Variants in DGKB observed in about 807,000 individuals in gnomAD.
DGKB encodes diacylglycerol kinase beta.
A neutral mutation model predicts 114.3 loss-of-function variants in DGKB; 67 were observed. That is an observed-to-expected ratio of 0.59 (90% confidence interval 0.48 to 0.72). DGKB has a LOEUF of 0.72. DGKB is among the 30% of genes least tolerant of loss of function. The pLI, the probability that DGKB is intolerant of heterozygous loss-of-function variation, is 0.00. For synonymous variants in DGKB, 398 were observed against 323.1 expected (o/e 1.23, Z -2.49); for missense variants, 907 against 975.2 (o/e 0.93, Z 0.93).
At chr7:14,388,203 A>G (rs1259262954) in intron 21 of DGKB, among the ~76,000 whole-genome samples, 1 of 150,578 alleles carries the variant, frequency 6.6e-6, no homozygotes, top group Non-Finnish European at 1.5e-5. Context: ...GTGGTGCCAT[A>G]ATTTGGAAAA....
At chr7:14,295,631 G>T (rs1382380522) in intron 23 of DGKB, among the ~76,000 whole-genome samples, 1 of 151,376 alleles carries the variant, frequency 6.6e-6, no homozygotes, top group South Asian at 2.1e-4. Context: ...TCAAAATTTT[G>T]AGCATACTCT....
At chr7:14,695,499 T>A (rs1268444078) in intron 8 of DGKB, among the ~76,000 whole-genome samples, 3 of 117,358 alleles carry the variant, frequency 2.6e-5, no homozygotes, top group African/African-American at 1.1e-4. Flanking sequence ...TCTCTCTTTT[T>A]TTTTTTTTTT....
intron 8 of DGKB, 30 bp downstream of exon 8, chr7:14,698,065 A>T: frequency 7.9e-7 from 1 of 1,271,964 alleles, no homozygotes; most frequent in Non-Finnish European, 1.1e-6. Flanking sequence ...TCCAGAATTT[A>T]GCCAATAGTG....
chr7:14,871,820 T>C (rs1243116114), intron 1 of DGKB, among the ~76,000 whole-genome samples: 1 of 152,216 alleles, frequency 6.6e-6, no homozygotes, highest in Non-Finnish European at 1.5e-5. Context: ...TGGTGATGGA[T>C]GGCATCATGC....
chr7:14,228,984 A>G (rs1791283602), intron 23 of DGKB, among the ~76,000 whole-genome samples: 1 of 151,920 alleles, frequency 6.6e-6, no homozygotes, highest in African/African-American at 2.4e-5. Context: ...ATTTGAACAT[A>G]TAAATTTCAT....
intron 15 of DGKB, among the ~76,000 whole-genome samples, chr7:14,619,445 A>G (rs117885146): frequency 1.0e-3 from 154 of 151,780 alleles, no homozygotes; most frequent in Admixed American, 2.0e-3. Flanking sequence ...AAAACACTGC[A>G]TGTACTATTT....
Position 14,319,869 on chromosome 7 carries a change from C to T in DGKB, c.2122+18646G>A, listed in dbSNP as rs186288329. Reference sequence around the variant, plus strand: ...CAATGTTGGTACCTTGTCCCCATTCCTATAAGTTCATCCACAAGCATCTTC... The same window carrying T: ...CAATGTTGGTACCTTGTCCCCATTCTTATAAGTTCATCCACAAGCATCTTC... On this transcript the variant is annotated intron_variant, in intron 23 of 25. Coordinates refer to ENST00000402815, the MANE Select transcript of DGKB (RefSeq NM_001350709.2). 2.3e-3 allele frequency among the ~76,000 whole-genome samples: 348 copies of T among 152,302 alleles called. 2 individuals carry two copies. The Middle Eastern group carries it at 0.024, about 10-fold the overall frequency.
intron 4 of DGKB, among the ~76,000 whole-genome samples, chr7:14,749,716 G>A (rs185817107): frequency 2.6e-5 from 4 of 152,220 alleles, no homozygotes; most frequent in African/African-American, 9.6e-5. Flanking sequence ...ACAGGAGTGA[G>A]TGTTACTGAA....
chr7:14,204,952 CA>C lies in DGKB; in HGVS notation c.2123-26802del, dbSNP rs200021262. Among the ~76,000 whole-genome samples the C allele has an allele frequency of 9.0e-3, 1,367 of 152,140 alleles. 13 individuals are homozygous for C. Among genetic ancestry groups the C allele is most frequent in the Non-Finnish European group, 0.015 (1,017 of 67,958 alleles). On this transcript the variant is annotated intron_variant, in intron 23 of 25. Transcript: ENST00000402815. ...CTTTCATTGTGTGTGTATGTGTCCA[CA>C]ACTGTAGCTATTCAAGAAATATCCT... is the stretch of plus-strand genomic sequence containing the variant.
intron 2 of DGKB, among the ~76,000 whole-genome samples, chr7:14,775,641 C>A (rs1039803873): frequency 1.3e-5 from 2 of 151,878 alleles, no homozygotes; most frequent in Non-Finnish European, 2.9e-5. Context: ...GAGCTTCTTC[C>A]CAATTTCGTT....
At chr7:14,393,235 C>T (rs1019283343) in intron 21 of DGKB, among the ~76,000 whole-genome samples, 1 of 151,578 alleles carries the variant, frequency 6.6e-6, no homozygotes, top group South Asian at 2.1e-4. Context: ...GTGATCCGCC[C>T]GCCTCGGCCT....
At chr7:14,965,023 TCACAATA>T in intron 1 of DGKB, among the ~76,000 whole-genome samples, 1 of 152,164 alleles carries the variant, frequency 6.6e-6, no homozygotes, top group Non-Finnish European at 1.5e-5. Context: ...GGGAATGGAT[TCACAATA>T]TTTCCTTCTT....
chr7:14,586,116 A>T (rs1800718815), intron 17 of DGKB, among the ~76,000 whole-genome samples: 2 of 152,168 alleles, frequency 1.3e-5, no homozygotes, highest in Admixed American at 1.3e-4. Context: ...AAAGCATGTC[A>T]AAAGCACAGG....
chr7:14,283,656 CA>C (rs1337244340), intron 23 of DGKB, among the ~76,000 whole-genome samples: 2 of 150,984 alleles, frequency 1.3e-5, no homozygotes, highest in African/African-American at 4.9e-5. Context: ...GTACTGGTAC[CA>C]AAACAGAGAT....
intron 21 of DGKB, among the ~76,000 whole-genome samples, chr7:14,362,037 C>T (rs911566472): frequency 4.6e-5 from 7 of 151,888 alleles, no homozygotes; most frequent in African/African-American, 1.2e-4. Flanking sequence ...TGGATATTTA[C>T]GGTCACTCAT....
At chr7:14,790,119 C>T (rs1379757916) in intron 2 of DGKB, among the ~76,000 whole-genome samples, 1 of 152,132 alleles carries the variant, frequency 6.6e-6, no homozygotes, top group African/African-American at 2.4e-5. Flanking sequence ...ATGCCTTTGG[C>T]TCATTTTCTA....
intron 25 of DGKB, among the ~76,000 whole-genome samples, chr7:14,175,222 A>T (rs535730506): frequency 5.3e-5 from 8 of 152,210 alleles, no homozygotes; most frequent in African/African-American, 1.9e-4. Context: ...TATTTTCTCC[A>T]TCTAAAAAAT....
rs1213217913 is a variant in DGKB, at chr7:14,919,062, G to GCGCACACACA, written c.-188+55633_-188+55634insTGTGTGTGCG. Reference sequence around the variant, plus strand: ...GTGACAGAGTGAGACTCCACCACACGCACACACACACACACACACACACAC... The same window carrying GCGCACACACA: ...GTGACAGAGTGAGACTCCACCACACGCGCACACACACACACACACACACACACACACACAC... On this transcript the variant is annotated intron_variant, in intron 1 of 4. Coordinates refer to the DGKB transcript ENST00000437998. Among the ~76,000 whole-genome samples, 463 of 118,122 alleles carry GCGCACACACA rather than the reference G, an allele frequency of 3.9e-3. 3 individuals carry two copies. The highest frequency in any genetic ancestry group is 7.5e-3 in the South Asian group (25 of 3,338). 77.5% of individuals were successfully genotyped at this position (118,122 alleles called of 152,430 possible).
intron 1 of DGKB, among the ~76,000 whole-genome samples, chr7:14,847,239 C>A (rs1022383131): frequency 2.1e-5 from 3 of 145,134 alleles, no homozygotes; most frequent in Non-Finnish European, 4.5e-5. Flanking sequence ...TGCAGTGAGC[C>A]GAGATGGCGC....
Sources: gnomAD v4.1 joint callset for allele counts (sites outside exome capture counted in the v4.1 genomes callset) on GRCh38, gnomAD v4.1.1 for gene constraint, MANE v1.5 for transcripts, NCBI Gene and HGNC (gene_info 2026-07-23, HGNC 2026-07-21) for gene names.